The following ADGB variants were observed in gnomAD, a reference collection of about 807,000 sequenced individuals.
The protein encoded by ADGB is calpain-7-like protein.
Under a neutral mutation model 210.5 loss-of-function variants are expected in ADGB, and 172 were observed. That is an observed-to-expected ratio of 0.82 (90% CI 0.72 to 0.93). The LOEUF (loss-of-function observed/expected upper bound fraction) is 0.93. Ranked by LOEUF, ADGB falls within the 40% of genes least tolerant of loss-of-function variation. The probability of loss-of-function intolerance (pLI) is 0.00; values close to 1 mark genes in which losing one functional copy is unlikely to be tolerated. For synonymous variants in ADGB, 658 were observed against 662.7 expected, an observed-to-expected ratio of 0.99 and a Z score of 0.11; for missense variants, 2,025 against 1,964.8, an observed-to-expected ratio of 1.03 and a Z score of -0.58.
chr6:146,633,910 G>C (rs1321654790), intron 1 of ADGB, among the ~76,000 whole-genome samples: 1 of 151,998 alleles, frequency 6.6e-6, no homozygotes, highest in Non-Finnish European at 1.5e-5. Context: ...TGTAGCCTAA[G>C]TGTACAATAT....
intron 13 of ADGB, among the ~76,000 whole-genome samples, chr6:146,704,498 G>A (rs1396241618): frequency 2.0e-5 from 3 of 151,940 alleles, no homozygotes; most frequent in African/African-American, 7.2e-5. Flanking sequence ...TTTGTATATG[G>A]TATGAGGTGA....
At chr6:146,800,066 C>G (rs1328802776) in intron 33 of ADGB, among the ~76,000 whole-genome samples, 1 of 152,142 alleles carries the variant, frequency 6.6e-6, no homozygotes, top group Non-Finnish European at 1.5e-5. Context: ...CCTTGGCCTC[C>G]CAAAGTGTTG....
At chr6:146,733,842 G>C (rs1777039359) in intron 21 of ADGB, 51 bp from the exon 22 acceptor site, 2 of 1,547,446 alleles carry the variant, frequency 1.3e-6, no homozygotes, top group Admixed American at 4.0e-5. Flanking sequence ...TGAAACTTAG[G>C]GAAGGGATTA....
intron 5 of ADGB, among the ~76,000 whole-genome samples, chr6:146,663,538 A>G (rs1775896404): frequency 6.6e-6 from 1 of 152,076 alleles, no homozygotes; most frequent in South Asian, 2.1e-4. Context: ...TTTGGGCATT[A>G]GGATTTCAAC....
At chr6:146,669,212 G>A (rs1775974716) in intron 7 of ADGB, among the ~76,000 whole-genome samples, 1 of 152,028 alleles carries the variant, frequency 6.6e-6, no homozygotes, top group African/African-American at 2.4e-5. Flanking sequence ...ACAATAAAAT[G>A]TGCTAAAGGC....
intron 26 of ADGB, among the ~76,000 whole-genome samples, chr6:146,747,178 A>G (rs1322972385): frequency 6.6e-6 from 1 of 152,238 alleles, no homozygotes. Flanking sequence ...GGCCTCCATT[A>G]ACAATGTGTT....
chr6:146,631,196 C>A (rs1289045503), intron 1 of ADGB, among the ~76,000 whole-genome samples: 1 of 152,124 alleles, frequency 6.6e-6, no homozygotes, highest in Non-Finnish European at 1.5e-5. Context: ...TTATTTGAGA[C>A]AATGCTACAG....
chr6:146,640,802 G>T (rs549721840), intron 2 of ADGB, among the ~76,000 whole-genome samples: 1 of 151,798 alleles, frequency 6.6e-6, no homozygotes, highest in Non-Finnish European at 1.5e-5. Flanking sequence ...CATAGCCAAC[G>T]TTATACTGAA....
intron 6 of ADGB, 194 bp downstream of exon 6, chr6:146,664,534 A>T (rs927381409): frequency 2.1e-6 from 1 of 480,382 alleles, no homozygotes; most frequent in African/African-American, 2.0e-5. Flanking sequence ...AATAATGCAA[A>T]ATTCCTCCAA....
intron 3 of ADGB, among the ~76,000 whole-genome samples, chr6:146,646,103 TA>T (rs1775606983): frequency 6.6e-6 from 1 of 152,122 alleles, no homozygotes; most frequent in African/African-American, 2.4e-5. Context: ...TTTGGATAAG[TA>T]AAAAAGTTTT....
At position 146,785,778 on chromosome 6, in the gene ADGB, AT is replaced by A. The variant is rs1562300534; in HGVS notation, c.4315+67del. Reference sequence around the variant, plus strand: ...GCTGTGATTTGCACTTCTTAAAAAAATAATCAGTGGGTTGTGCTTGGTGAAA... The same window carrying A: ...GCTGTGATTTGCACTTCTTAAAAAAAAATCAGTGGGTTGTGCTTGGTGAAA... On this transcript the variant is annotated intron_variant, in intron 32 of 35. Coordinates refer to ENST00000397944, the MANE Select transcript of ADGB (RefSeq NM_024694.4). 1.6e-5 allele frequency: 18 copies of A among 1,157,472 alleles called. No individual in the cohort carries two copies. In the East Asian group the frequency reaches 4.7e-4, roughly 30 times the overall value. The allele number at this position is 1,157,472 out of a possible 1,614,324, so 71.7% of individuals were successfully genotyped here. A position where few individuals can be genotyped will look rare whatever the true frequency, so the allele number is the denominator to read the frequency against.
chr6:146,682,042 T>C lies in ADGB; in HGVS notation c.1217-3692T>C, dbSNP rs539412878. Among the ~76,000 whole-genome samples, 6 of 152,212 alleles carry C rather than the reference T, an allele frequency of 3.9e-5. No individual in the cohort carries two copies. In the South Asian group the frequency reaches 1.2e-3, roughly 32 times the overall value. The stretch of plus-strand genomic sequence containing the variant: ...GAAATACCTAGGCCTTAGCACAGAG[T>C]AGGCATTCACTGAAAGTTAGCTATT... On this transcript the variant is annotated intron_variant, in intron 9 of 35. Coordinates refer to ENST00000397944, the MANE Select transcript of ADGB (RefSeq NM_024694.4).
At chr6:146,779,905 A>G (rs549505684) in intron 29 of ADGB, among the ~76,000 whole-genome samples, 3 of 152,096 alleles carry the variant, frequency 2.0e-5, no homozygotes, top group African/African-American at 7.2e-5. Flanking sequence ...AGCTACATAA[A>G]GAAATAAAGT....
At chr6:146,609,499 T>C (rs1780675891) in intron 1 of ADGB, among the ~76,000 whole-genome samples, 1 of 152,208 alleles carries the variant, frequency 6.6e-6, no homozygotes, top group Admixed American at 6.5e-5. Flanking sequence ...CTTTATAGTG[T>C]CAATTCCATA....
Position 146,728,725 on chromosome 6 carries a change from C to G in ADGB, c.2504C>G (p.Thr835Ser). ...YPVPFHDKEL[T>S]AQHFRVFHLS... is the part of the protein sequence containing the mutation. ...GTCCCCTTCCATGATAAAGAACTAA[C>G]TGCACAGCACTTCAGGGTAAGCTTG... is the stretch of plus-strand genomic sequence containing the variant. Residue 835 changes from threonine (T) to serine (S), a missense_variant, in exon 20 of 36, where the codon ACT becomes AGT. Thr to Ser is a moderately conservative substitution (Grantham distance 58). Coordinates refer to ENST00000397944, the MANE Select transcript of ADGB (RefSeq NM_024694.4). The G allele has an allele frequency of 6.5e-7, 1 of 1,549,026 alleles. No homozygotes were observed. The highest frequency in any genetic ancestry group is 8.7e-7 in the Non-Finnish European group (1 of 1,145,250).
chr6:146,637,268 C>T (rs1431980011), intron 2 of ADGB, among the ~76,000 whole-genome samples: 2 of 151,936 alleles, frequency 1.3e-5, no homozygotes, highest in Non-Finnish European at 2.9e-5. Context: ...TGTCCTGGGA[C>T]CTGTGTCAGT....
chr6:146,652,404 G>A (rs1175702730), intron 3 of ADGB, among the ~76,000 whole-genome samples: 1 of 152,058 alleles, frequency 6.6e-6, no homozygotes, highest in African/African-American at 2.4e-5. Context: ...GTAGTTTTAG[G>A]TAAATTTTTC....
At chr6:146,706,898 T>A (rs1257725611) in intron 13 of ADGB, among the ~76,000 whole-genome samples, 2 of 151,452 alleles carry the variant, frequency 1.3e-5, no homozygotes, top group African/African-American at 4.8e-5. Flanking sequence ...AGATTTATTA[T>A]TTCCTTTCTT....
chr6:146,665,781 A>AT (rs59283775), intron 6 of ADGB, among the ~76,000 whole-genome samples: 1 of 152,032 alleles, frequency 6.6e-6, no homozygotes, highest in Non-Finnish European at 1.5e-5. Flanking sequence ...TTTTTCCATA[A>AT]TTTTTTTCAG....
Sources: gnomAD v4.1 joint callset for allele counts (sites outside exome capture counted in the v4.1 genomes callset) on GRCh38, gnomAD v4.1.1 for gene constraint, MANE v1.5 for transcripts, NCBI Gene and HGNC (gene_info 2026-07-23, HGNC 2026-07-21) for gene names.